The following CACNA2D4 variants were observed in gnomAD, a reference collection of about 807,000 sequenced individuals.
The protein encoded by CACNA2D4 is calcium voltage-gated channel auxiliary subunit alpha2delta 4.
CACNA2D4 carries 157 observed loss-of-function variants against 163.8 expected under a neutral mutation model. The observed-to-expected ratio is 0.96, with a 90% CI of 0.84 to 1.09. The LOEUF (loss-of-function observed/expected upper bound fraction) is 1.09. CACNA2D4 is among the 50% of genes least tolerant of loss of function. CACNA2D4 has a pLI of 0.00. For synonymous variants in CACNA2D4, 598 were observed against 586.9 expected (o/e 1.02, Z -0.27); for missense variants, 1,410 against 1,479.9 (o/e 0.95, Z 0.78).
chr12:1,904,620 G>A (rs1278812555), intron 6 of CACNA2D4, among the ~76,000 whole-genome samples: 2 of 152,156 alleles, frequency 1.3e-5, no homozygotes, highest in African/African-American at 4.8e-5. Context: ...TAGATAAGGA[G>A]CTGTAAAGGA....
In CACNA2D4 at chr12:1,833,657, C is replaced by G. The variant is rs1447669643; in HGVS notation, c.2551+7082G>C. Among the ~76,000 whole-genome samples the G allele has an allele frequency of 6.6e-6, 1 of 152,148 alleles. No homozygotes were observed. Among genetic ancestry groups the G allele is most frequent in the Non-Finnish European group, 1.5e-5 (1 of 68,028 alleles). On this transcript the variant is annotated intron_variant, in intron 26 of 37. Transcript: ENST00000382722. The surrounding 1 kb of genome is among the most constrained non-coding windows in gnomAD (Gnocchi z 4.2). Reference sequence around the variant, plus strand: ...AAGGAGGAGAAGGAGAACATTCCTGCCCAACTCTTTTCCTCTTTACGCCAG... The same window carrying G: ...AAGGAGGAGAAGGAGAACATTCCTGGCCAACTCTTTTCCTCTTTACGCCAG...
intron 35 of CACNA2D4, chr12:1,796,068 G>T: frequency 2.7e-6 from 1 of 375,816 alleles, no homozygotes; most frequent in East Asian, 5.1e-5. Flanking sequence ...ATTAATATAT[G>T]CAGGGACGAC....
chr12:1,913,043 T>A lies in CACNA2D4; in HGVS notation c.406A>T (p.Arg136Trp), dbSNP rs764573856. 5.6e-6 allele frequency: 9 copies of A among 1,613,330 alleles called. No homozygotes were observed. ...AGTACCTGGACCGCCTCGACTTTCC[T>A]CCGCAGCATGTTCTCCATGTCCTCT... ...FSEDMENMLR[R>W]KVEAVQNLVE... is the part of the protein sequence containing the mutation. The change falls in exon 3 of 38, where the codon AGG becomes TGG. Residue 136 changes from arginine to tryptophan, a missense_variant. By Grantham distance (101) the Arg-to-Trp change is moderately radical (BLOSUM62 -3). Transcript: ENST00000382722.
At chr12:1,823,515 G>A (rs962913195) in intron 26 of CACNA2D4, among the ~76,000 whole-genome samples, 9 of 152,180 alleles carry the variant, frequency 5.9e-5, no homozygotes, top group African/African-American at 1.2e-4. Flanking sequence ...ACTCAGCTCC[G>A]CATGTGGAAC....
intron 28 of CACNA2D4, 59 bp from the exon 29 acceptor site, chr12:1,810,399 G>C (rs760332006): frequency 6.4e-7 from 1 of 1,562,790 alleles, no homozygotes; most frequent in Non-Finnish European, 8.8e-7. Context: ...CGGTCCTCCA[G>C]CCTGTCCCCC....
At chr12:1,891,591 AT>A (rs969121600) in intron 6 of CACNA2D4, among the ~76,000 whole-genome samples, 2 of 152,124 alleles carry the variant, frequency 1.3e-5, no homozygotes, top group Non-Finnish European at 2.9e-5. Context: ...CAATAAAAAA[AT>A]AATTTATATA....
At chr12:1,842,200 G>T (rs1407001931) in intron 25 of CACNA2D4, among the ~76,000 whole-genome samples, 2 of 152,210 alleles carry the variant, frequency 1.3e-5, no homozygotes, top group African/African-American at 2.4e-5. Context: ...GAATGATCAG[G>T]GCGTGGAGTG....
intron 4 of CACNA2D4, among the ~76,000 whole-genome samples, chr12:1,909,537 C>T (rs139272120): frequency 2.1e-3 from 322 of 152,342 alleles, no homozygotes; most frequent in Non-Finnish European, 3.8e-3. Context: ...TGACCAAAGG[C>T]CCTTTTCCAG....
intron 26 of CACNA2D4, among the ~76,000 whole-genome samples, chr12:1,817,170 A>T (rs1366134993): frequency 6.6e-6 from 1 of 152,224 alleles, no homozygotes; most frequent in Non-Finnish European, 1.5e-5. Flanking sequence ...GCGAATACTT[A>T]GGTCACAGAA....
intron 29 of CACNA2D4, among the ~76,000 whole-genome samples, chr12:1,808,721 C>T (rs186707847): frequency 6.5e-4 from 99 of 152,298 alleles, no homozygotes; most frequent in African/African-American, 1.8e-3. Context: ...CCTGGGGACA[C>T]GGTCAGTCTC....
chr12:1,918,456 A>T lies in CACNA2D4; in HGVS notation c.18T>A (p.Ser6=). Residue 6 remains serine, a synonymous_variant, in exon 1 of 38, where the codon TCT becomes TCA. Coordinates refer to ENST00000382722, the MANE Select transcript of CACNA2D4 (RefSeq NM_172364.5). ...TGGGGTTGGGGAGGGGAAGGAGGGC[A>T]GAGCAGCCACAGACCATGAGCTCTG... MVCGC[S]ALLPLPNPRP... 1 of 1,570,740 alleles carries T rather than the reference A, an allele frequency of 6.4e-7. No individual in the cohort carries two copies. The highest frequency in any genetic ancestry group is 8.6e-7 in the Non-Finnish European group (1 of 1,158,338).
chr12:1,893,375 C>A (rs1339592725), intron 6 of CACNA2D4, among the ~76,000 whole-genome samples: 1 of 152,042 alleles, frequency 6.6e-6, no homozygotes, highest in Non-Finnish European at 1.5e-5. Context: ...AAAAATTAGC[C>A]ACACATGGTG....
chr12:1,862,472 G>T (rs1865546073), intron 18 of CACNA2D4, among the ~76,000 whole-genome samples: 1 of 152,162 alleles, frequency 6.6e-6, no homozygotes. Flanking sequence ...GTCTCACTCT[G>T]TCGCCAGGCT....
At chr12:1,837,572 C>A (rs945973175) in intron 26 of CACNA2D4, among the ~76,000 whole-genome samples, 4 of 152,108 alleles carry the variant, frequency 2.6e-5, no homozygotes, top group African/African-American at 9.7e-5. Flanking sequence ...CTTCAGAGGC[C>A]AAGGCGGAAT....
At chr12:1,851,348 G>A (rs1444862898) in intron 23 of CACNA2D4, among the ~76,000 whole-genome samples, 1 of 152,180 alleles carries the variant, frequency 6.6e-6, no homozygotes, top group Admixed American at 6.5e-5. Context: ...GAATCTCTGA[G>A]TCATTTGGAC....
chr12:1,888,549 CACATAATACAAAGA>C (rs1447711225), intron 6 of CACNA2D4, among the ~76,000 whole-genome samples: 3 of 151,974 alleles, frequency 2.0e-5, no homozygotes, highest in Non-Finnish European at 4.4e-5. Flanking sequence ...ATGAGAAGAA[CACATAATACAAAGA>C]ACATACAAGA....
chr12:1,827,440 GTCT>G (rs1864388912), intron 26 of CACNA2D4: 1 of 152,808 alleles, frequency 6.5e-6, no homozygotes, highest in Non-Finnish European at 1.5e-5. Context: ...GAGCTGATGA[GTCT>G]TATTATAGCC....
At chr12:1,853,883 G>C in intron 23 of CACNA2D4, 68 bp downstream of exon 23, 1 of 1,244,942 alleles carries the variant, frequency 8.0e-7, no homozygotes, top group South Asian at 1.3e-5. Flanking sequence ...TGGTGAGAGG[G>C]GTCCCAACTT....
intron 23 of CACNA2D4, among the ~76,000 whole-genome samples, chr12:1,850,164 G>T (rs1384682474): frequency 6.6e-6 from 1 of 152,102 alleles, no homozygotes; most frequent in Non-Finnish European, 1.5e-5. Context: ...CCCTCGACGG[G>T]GTTTGAAACA....
Sources: allele counts gnomAD v4.1 joint callset (sites outside exome capture counted in the v4.1 genomes callset), GRCh38; gene constraint gnomAD v4.1.1; non-coding constraint Gnocchi (gnomAD v3.1); transcripts MANE v1.5; gene names NCBI Gene and HGNC (gene_info 2026-07-23, HGNC 2026-07-21).